Variants in CHUK observed in about 807,000 individuals in gnomAD.
The protein encoded by CHUK is component of inhibitor of nuclear factor kappa B kinase complex.
In CHUK, 35 loss-of-function variants were observed where a neutral mutation model predicts 104.8. The ratio of observed to expected loss-of-function variants is 0.33; its 90% confidence interval spans 0.26 to 0.44. CHUK has a LOEUF of 0.44. Among genes scored for constraint, CHUK ranks in the 20% least tolerant of loss-of-function variants. CHUK has a pLI of 1.00. For synonymous variants in CHUK, 276 were observed against 291.9 expected (o/e 0.95, Z 0.56); for missense variants, 663 against 902.7 (o/e 0.73, Z 3.40).
chr10:100,226,540 C>G (rs1846110222), intron 1 of CHUK, among the ~76,000 whole-genome samples: 1 of 152,214 alleles, frequency 6.6e-6, no homozygotes, highest in Admixed American at 6.5e-5. Context: ...ACTTCTGCTT[C>G]CATAGCTACA....
In CHUK at chr10:100,213,606, C is replaced by T. The variant is rs534862840; in HGVS notation, c.934-3817G>A. Among the ~76,000 whole-genome samples the T allele has an allele frequency of 9.2e-5, 14 of 152,274 alleles. 1 individual carries two copies. The South Asian group carries it at 2.9e-3, about 32-fold the overall frequency. On this transcript the variant is annotated intron_variant, in intron 9 of 20. Transcript: ENST00000370397. ...GTGCGATCTTGGTTCAATGCAGCCT[C>T]CACCTCCCAGGTTCAAGCAACTCTT... is the stretch of plus-strand genomic sequence containing the variant.
chr10:100,203,848 G>C (rs1295209081), intron 13 of CHUK, among the ~76,000 whole-genome samples: 3 of 152,078 alleles, frequency 2.0e-5, no homozygotes, highest in Non-Finnish European at 4.4e-5. Flanking sequence ...AGACTCCCCT[G>C]GTTGTCTTAG....
intron 1 of CHUK, 44 bp downstream of exon 1, chr10:100,229,384 C>A (rs756107965): frequency 1.4e-5 from 20 of 1,428,920 alleles, no homozygotes; most frequent in Admixed American, 1.7e-5. Flanking sequence ...TCAAACCCAC[C>A]GCCGCTCCAA....
intron 9 of CHUK, among the ~76,000 whole-genome samples, chr10:100,210,188 C>T (rs1011274060): frequency 6.7e-6 from 1 of 148,558 alleles, no homozygotes; most frequent in Non-Finnish European, 1.5e-5. Flanking sequence ...CCCGGGTTCA[C>T]GCCATTCTCC....
intron 19 of CHUK, chr10:100,192,718 G>C: frequency 1.0e-6 from 1 of 987,738 alleles, no homozygotes; most frequent in Non-Finnish European, 1.2e-6. Flanking sequence ...GAAATGGATA[G>C]TCATTCAGCT....
chr10:100,210,079 A>ATTTT (rs1468982651), intron 9 of CHUK, among the ~76,000 whole-genome samples: 3 of 129,450 alleles, frequency 2.3e-5, no homozygotes, highest in African/African-American at 7.4e-5. Context: ...TTATTTATTT[A>ATTTT]TTTATTTATT....
chr10:100,200,546 G>A (rs1262034616), intron 15 of CHUK, 125 bp downstream of exon 15: 6 of 677,268 alleles, frequency 8.9e-6, no homozygotes, highest in Non-Finnish European at 1.3e-5. Context: ...TAAATATAAT[G>A]CCAATATATT....
chr10:100,201,547 G>GAA (rs921613184), intron 14 of CHUK, among the ~76,000 whole-genome samples: 4 of 152,094 alleles, frequency 2.6e-5, no homozygotes, highest in African/African-American at 9.7e-5. Context: ...TACTAGAAAA[G>GAA]AAATTGTCCC....
chr10:100,222,566 A>G (rs1314555920), intron 3 of CHUK, among the ~76,000 whole-genome samples: 1 of 152,200 alleles, frequency 6.6e-6, no homozygotes, highest in Non-Finnish European at 1.5e-5. Context: ...AGCAACAACA[A>G]AAATGCATTT....
At chr10:100,213,896 T>C (rs1298805539) in intron 9 of CHUK, among the ~76,000 whole-genome samples, 1 of 152,224 alleles carries the variant, frequency 6.6e-6, no homozygotes, top group Non-Finnish European at 1.5e-5. Flanking sequence ...GAATTCCAAA[T>C]GTCATAACAC....
rs551315191 is a variant in CHUK at position 100,213,483 on chromosome 10, T to C, written c.934-3694A>G. 3.6e-5 allele frequency among the ~76,000 whole-genome samples: 5 copies of C among 140,772 alleles called. No homozygotes were observed. The South Asian group carries it at 1.1e-3, about 31-fold the overall frequency. 92.4% of individuals were successfully genotyped at this position (140,772 alleles called of 152,430 possible). On this transcript the variant is annotated intron_variant, in intron 9 of 20. Transcript: ENST00000370397. Reference sequence around the variant, plus strand: ...CCTGGGTGATAGAACAAGACTCTTATCTCAAAAAAAAAAAAAAAAATTAAA... The same window carrying C: ...CCTGGGTGATAGAACAAGACTCTTACCTCAAAAAAAAAAAAAAAAATTAAA...
intron 1 of CHUK, among the ~76,000 whole-genome samples, chr10:100,227,181 C>T (rs1207131587): frequency 6.6e-6 from 1 of 152,156 alleles, no homozygotes; most frequent in Admixed American, 6.5e-5. Flanking sequence ...TCCTTCAACT[C>T]CTTAATTTAT....
chr10:100,195,250 T>C (rs757545781), intron 16 of CHUK: 2 of 152,240 alleles, frequency 1.3e-5, no homozygotes, highest in Non-Finnish European at 2.9e-5. Flanking sequence ...GGTATATTCT[T>C]TGGACAATAA....
intron 10 of CHUK, among the ~76,000 whole-genome samples, chr10:100,208,906 A>C (rs866838515): frequency 6.6e-5 from 10 of 152,298 alleles, no homozygotes; most frequent in Middle Eastern, 6.8e-3. Flanking sequence ...GGAATTCTTA[A>C]CAGGACCCGT....
At chr10:100,229,100 G>A (rs1054721115) in intron 1 of CHUK, among the ~76,000 whole-genome samples, 3 of 151,306 alleles carry the variant, frequency 2.0e-5, no homozygotes, top group Non-Finnish European at 2.9e-5. Context: ...TACACACTGT[G>A]ACGTGCATCT....
intron 6 of CHUK, 35 bp downstream of exon 6, chr10:100,219,235 C>T (rs750780159): frequency 5.8e-6 from 9 of 1,542,542 alleles, no homozygotes; most frequent in Non-Finnish European, 7.2e-6. Flanking sequence ...GAATCCTATA[C>T]ACACTTAAAT....
intron 16 of CHUK, among the ~76,000 whole-genome samples, chr10:100,199,769 T>C (rs542769510): frequency 6.6e-6 from 1 of 152,366 alleles, no homozygotes; most frequent in African/African-American, 2.4e-5. Context: ...CCTCACGTTC[T>C]CTGTTACTTT....
At position 100,199,504 on chromosome 10, in the gene CHUK, T is replaced by C. The variant is rs967270431; in HGVS notation, c.1729+467A>G. On this transcript the variant is annotated intron_variant, in intron 16 of 20. Transcript: ENST00000370397. Reference sequence around the variant, plus strand: ...AACATGCCCAGCTAACTTTTCTATTTTTAGTAGAGATGGGGTTTCACCATG... The same window carrying C: ...AACATGCCCAGCTAACTTTTCTATTCTTAGTAGAGATGGGGTTTCACCATG... Among the ~76,000 whole-genome samples the C allele has an allele frequency of 5.3e-5, 8 of 152,180 alleles. No homozygotes were observed. In the East Asian group the frequency reaches 1.3e-3, roughly 26 times the overall value.
intron 16 of CHUK, 56 bp from the exon 17 acceptor site, chr10:100,194,577 C>T: frequency 1.7e-6 from 2 of 1,167,730 alleles, no homozygotes; most frequent in Non-Finnish European, 1.3e-6. Flanking sequence ...TATCAGCCTC[C>T]AAACAAAAAA....
Sources: gnomAD v4.1 joint callset for allele counts (sites outside exome capture counted in the v4.1 genomes callset) on GRCh38, gnomAD v4.1.1 for gene constraint, MANE v1.5 for transcripts, NCBI Gene and HGNC (gene_info 2026-07-23, HGNC 2026-07-21) for gene names.